PLEKHA6: variants seen among roughly 807,000 people sequenced by gnomAD.
PLEKHA6 encodes pleckstrin homology domain-containing family A member 6.
PLEKHA6 carries 60 observed loss-of-function variants against 116.7 expected under a neutral mutation model. The observed-to-expected ratio is 0.51, with a 90% CI of 0.42 to 0.64. PLEKHA6 has a LOEUF of 0.64. PLEKHA6 is among the 30% of genes least tolerant of loss of function. The probability of loss-of-function intolerance (pLI) is 0.00; values close to 1 mark genes in which losing one functional copy is unlikely to be tolerated. For synonymous variants in PLEKHA6, 489 were observed against 556.1 expected (o/e 0.88, Z 1.70); for missense variants, 1,338 against 1,422.7 (o/e 0.94, Z 0.96).
At chr1:204,302,214 A>G (rs1670890881) in intron 1 of PLEKHA6, among the ~76,000 whole-genome samples, 1 of 152,194 alleles carries the variant, frequency 6.6e-6, no homozygotes, top group Admixed American at 6.5e-5. Context: ...AGGCCCAGAG[A>G]GAAGGATTGA....
At chr1:204,320,538 C>T (rs7513133) in intron 1 of PLEKHA6, 6 of 950,264 alleles carry the variant, frequency 6.3e-6, no homozygotes, top group African/African-American at 1.8e-5. Context: ...AACTTAGCAA[C>T]TTGGCTTCTC....
At chr1:204,230,708 C>A in intron 17 of PLEKHA6, 122 bp from the exon 18 acceptor site, 1 of 785,892 alleles carries the variant, frequency 1.3e-6, no homozygotes, top group Non-Finnish European at 2.0e-6. Flanking sequence ...AAGAGTGGTC[C>A]CCAAAAGATA....
At chr1:204,352,029 T>G (rs1409724326) in intron 1 of PLEKHA6, among the ~76,000 whole-genome samples, 5 of 149,030 alleles carry the variant, frequency 3.4e-5, no homozygotes, top group South Asian at 2.2e-4. Context: ...AGCCGAGATC[T>G]CGCCACTGCA....
At position 204,260,417 on chromosome 1, in the gene PLEKHA6, G is replaced by A. The variant is rs112294747; in HGVS notation, c.525-677C>T. Among the ~76,000 whole-genome samples the A allele has an allele frequency of 8.0e-3, 1,224 of 152,266 alleles. 16 individuals carry two copies. The highest frequency in any genetic ancestry group is 0.028 in the African/African-American group (1,163 of 41,536). ...TCCATGAGAATACAGGCCCCACAAG[G>A]GTAGGAACATGGCAGACTTTCTTCC... On this transcript the variant is annotated intron_variant, in intron 7 of 22. Coordinates refer to ENST00000272203, the MANE Select transcript of PLEKHA6 (RefSeq NM_014935.5).
chr1:204,319,958 C>T (rs189687691), intron 1 of PLEKHA6, among the ~76,000 whole-genome samples: 10 of 152,202 alleles, frequency 6.6e-5, no homozygotes, highest in East Asian at 3.9e-4. Flanking sequence ...CCACCCTCTG[C>T]GGGTCTAATT....
At position 204,295,093 on chromosome 1, in the gene PLEKHA6, T is replaced by C. The variant is rs961846452; in HGVS notation, c.-94-20284A>G. Among the ~76,000 whole-genome samples the C allele has an allele frequency of 8.5e-5, 13 of 152,354 alleles. No individual in the cohort carries two copies. The East Asian group carries it at 2.5e-3, about 29-fold the overall frequency. On this transcript the variant is annotated intron_variant, in intron 1 of 22. Coordinates refer to ENST00000272203, the MANE Select transcript of PLEKHA6 (RefSeq NM_014935.5). ...CTCAAATGTGAGGGAGGTCTGTTCC[T>C]AGTGTAATTTGAACTGGGAGGTGGG... is the stretch of plus-strand genomic sequence containing the variant.
chr1:204,233,492 C>A (rs1661513285), intron 17 of PLEKHA6, among the ~76,000 whole-genome samples: 1 of 152,074 alleles, frequency 6.6e-6, no homozygotes, highest in South Asian at 2.1e-4. Flanking sequence ...AGGGATGTGC[C>A]ACCATGCCCA....
At chr1:204,301,658 G>A (rs1014541487) in intron 1 of PLEKHA6, among the ~76,000 whole-genome samples, 6 of 152,178 alleles carry the variant, frequency 3.9e-5, no homozygotes, top group Non-Finnish European at 8.8e-5. Context: ...GGAATTGAAG[G>A]AAGGAATTCC....
In PLEKHA6 at chr1:204,268,246, T is replaced by G. The variant is rs761921771; in HGVS notation, c.169A>C (p.Asn57His). 10 of 1,612,614 alleles carry G rather than the reference T, an allele frequency of 6.2e-6. No individual in the cohort carries two copies. The highest frequency in any genetic ancestry group is 7.6e-6 in the Non-Finnish European group (9 of 1,179,518). ...CAGCCCGCCTTGGTGACAGGTGCATTGGGGTTCCGCTTCATGGAGTGTGAG... is the reference window on the plus strand; with the variant it reads ...CAGCCCGCCTTGGTGACAGGTGCATGGGGGTTCCGCTTCATGGAGTGTGAG... Reference protein sequence around the residue: ...KRSHSMKRNPNAPVTKAGWLF... With the variant: ...KRSHSMKRNPHAPVTKAGWLF... Residue 57 changes from asparagine (N) to histidine (H), a missense_variant, in exon 4 of 23, where the codon AAT (asparagine) becomes CAT (histidine). Asn to His is a moderately conservative substitution (Grantham distance 68). This residue lies in a region of PLEKHA6 where 140 missense variants were observed against 197.4 expected (regional missense o/e 0.71). Transcript: ENST00000272203.
upstream of PLEKHA6, among the ~76,000 whole-genome samples, chr1:204,363,232 C>T (rs1242605643): frequency 6.6e-6 from 1 of 152,218 alleles, no homozygotes; most frequent in Non-Finnish European, 1.5e-5. Context: ...GCCTTGGAGG[C>T]TCACCGGGGT....
intron 1 of PLEKHA6, among the ~76,000 whole-genome samples, chr1:204,372,519 A>G (rs2103416958): frequency 6.6e-6 from 1 of 152,288 alleles, no homozygotes; most frequent in South Asian, 2.1e-4. Flanking sequence ...GGCATCTTGG[A>G]GCCCAGGACA....
intron 14 of PLEKHA6, 73 bp downstream of exon 14, chr1:204,245,542 G>A: frequency 1.2e-6 from 1 of 860,062 alleles, no homozygotes; most frequent in Non-Finnish European, 1.9e-6. Flanking sequence ...GCAGGAGTGG[G>A]ATGGAGGTCA....
upstream of PLEKHA6, among the ~76,000 whole-genome samples, chr1:204,362,141 G>A (rs531873380): frequency 3.8e-4 from 58 of 152,302 alleles, no homozygotes; most frequent in African/African-American, 1.2e-3. Flanking sequence ...GGACCAAGGC[G>A]GAAGAGATGT....
chr1:204,342,354 T>C (rs977952861), intron 1 of PLEKHA6, among the ~76,000 whole-genome samples: 4 of 152,182 alleles, frequency 2.6e-5, no homozygotes, highest in African/African-American at 9.7e-5. Context: ...AAAACCTTTA[T>C]TATGAGCATT....
intron 9 of PLEKHA6, among the ~76,000 whole-genome samples, chr1:204,251,177 A>G (rs1664504813): frequency 6.6e-6 from 1 of 152,168 alleles, no homozygotes; most frequent in Non-Finnish European, 1.5e-5. Flanking sequence ...CACCTTTGAC[A>G]TTAGATGGTT....
intron 17 of PLEKHA6, among the ~76,000 whole-genome samples, chr1:204,236,428 C>T (rs924627452): frequency 4.6e-5 from 7 of 152,136 alleles, no homozygotes; most frequent in Admixed American, 2.0e-4. Context: ...AAGATATACC[C>T]TTGACCAAGG....
intron 1 of PLEKHA6, among the ~76,000 whole-genome samples, chr1:204,289,464 G>A (rs1669527773): frequency 6.6e-6 from 1 of 152,146 alleles, no homozygotes; most frequent in Non-Finnish European, 1.5e-5. Flanking sequence ...CCCAGCCACT[G>A]TGGCTCAGGA....
chr1:204,360,242 A>T (rs1673528577), upstream of PLEKHA6, among the ~76,000 whole-genome samples: 1 of 151,646 alleles, frequency 6.6e-6, no homozygotes, highest in Non-Finnish European at 1.5e-5. Context: ...GAAACTGCCC[A>T]GGGTCTTAGA....
rs756673274 is a variant in PLEKHA6 at position 204,228,606 on chromosome 1, G to A, written c.2885+122C>T. On this transcript the variant is annotated intron_variant, in intron 20 of 22. Transcript: ENST00000272203. This position sits in a 1 kb window ranked among gnomAD's most constrained non-coding sequence, Gnocchi z 4.0. ...GTAGCTGGGCCCTGTCTGCTGCCTG[G>A]AGTCACCACCTCGATGTGCTCTCCC... 2 of 880,526 alleles carry A rather than the reference G, an allele frequency of 2.3e-6. No individual in the cohort carries two copies. Among genetic ancestry groups the A allele is most frequent in the South Asian group, 3.1e-5 (2 of 63,886 alleles). 54.5% of individuals were successfully genotyped at this position (880,526 alleles called of 1,614,324 possible).
Sources: gnomAD v4.1 joint callset for allele counts (sites outside exome capture counted in the v4.1 genomes callset) on GRCh38, gnomAD v4.1.1 for gene constraint, gnomAD v4.1.1 regional missense constraint, Gnocchi (gnomAD v3.1) non-coding constraint, MANE v1.5 for transcripts, NCBI Gene and HGNC (gene_info 2026-07-23, HGNC 2026-07-21) for gene names.